OFD1: variants seen among roughly 807,000 people sequenced by gnomAD.
The protein encoded by OFD1 is OFD1 centriole and centriolar satellite protein, also known as centriole and centriolar satellite protein OFD1.
A neutral mutation model predicts 81.4 loss-of-function variants in OFD1; 12 were observed. That is an observed-to-expected ratio of 0.15 (90% confidence interval 0.09 to 0.24). OFD1 has a LOEUF of 0.24. Ranked by LOEUF, OFD1 falls within the 10% of genes least tolerant of loss-of-function variation. The probability of loss-of-function intolerance (pLI) is 1.00; values close to 1 mark genes in which losing one functional copy is unlikely to be tolerated. For missense variants in OFD1, 685 were observed against 733.9 expected, an observed-to-expected ratio of 0.93 and a Z score of 0.77; for synonymous variants, 256 against 263.7, an observed-to-expected ratio of 0.97 and a Z score of 0.28.
chrX:13,756,751 C>G lies in OFD1; in HGVS notation c.1395C>G (p.Asn465Lys), dbSNP rs1311727007. Reference protein sequence around the residue: ...KQQLEESRNENLRLLNRLAQP... With the variant: ...KQQLEESRNEKLRLLNRLAQP... The stretch of plus-strand genomic sequence containing the variant: ...AACTGGAAGAGAGTAGAAATGAAAA[C>G]CTGCGTCTCCTAAACCGTATGTATT... The change falls in exon 13 of 23, where the codon AAC (asparagine) becomes AAG (lysine). Residue 465 changes from asparagine to lysine, a missense_variant. By Grantham distance (94) the Asn-to-Lys change is moderately conservative. Coordinates refer to ENST00000340096, the MANE Select transcript of OFD1 (RefSeq NM_003611.3). The G allele has an allele frequency of 4.2e-6, 5 of 1,201,964 alleles. No homozygotes were observed. The highest frequency in any genetic ancestry group is 5.6e-6 in the Non-Finnish European group (5 of 886,561).
downstream of OFD1, chrX:13,772,734 A>C: frequency 2.3e-6 from 1 of 441,565 alleles, no homozygotes; most frequent in Non-Finnish European, 3.6e-6. Flanking sequence ...AGGTTTTCCT[A>C]GAGATACATC....
chrX:13,757,394 T>A (rs1210937728), intron 13 of OFD1, among the ~76,000 whole-genome samples: 2 of 111,767 alleles, frequency 1.8e-5, no homozygotes, highest in African/African-American at 6.5e-5. Context: ...GCTTTCAGGT[T>A]AATTTGAGAA....
At chrX:13,725,601 G>A in the OFD1 span, among the ~76,000 whole-genome samples, 1 of 112,341 alleles carries the variant, frequency 8.9e-6, no homozygotes, top group East Asian at 2.8e-4. Context: ...CCCATCTGTA[G>A]GTCACCAACA....
intron 5 of OFD1, among the ~76,000 whole-genome samples, chrX:13,741,117 C>T (rs1046007284): frequency 1.1e-4 from 12 of 109,348 alleles, no homozygotes; most frequent in African/African-American, 4.0e-4. Context: ...TCCAGCCTAG[C>T]GACAGAGCAA....
the OFD1 span, among the ~76,000 whole-genome samples, chrX:13,719,253 A>G: frequency 9.0e-6 from 1 of 110,545 alleles, no homozygotes; most frequent in Non-Finnish European, 1.9e-5. Flanking sequence ...TGTCTCAAAA[A>G]AAAAAAATAC....
At position 13,739,016 on chromosome X, in the gene OFD1, T is replaced by A. The variant is rs774385807; in HGVS notation, c.396T>A (p.Asp132Glu). ...SLYKSLVSGS[D>E]KENQKGFLMH... is the part of the protein sequence containing the mutation. ...TCTTTTAACAGGTTTCAGGATCTGA[T>A]AAAGAAAATCAAAAAGGTAGGAGCC... The change falls in exon 5 of 23, where the codon GAT becomes GAA. Residue 132 changes from aspartate (D) to glutamate (E), a missense_variant. Asp to Glu is a conservative substitution (Grantham distance 45). Transcript: ENST00000340096. The A allele has an allele frequency of 3.3e-6, 4 of 1,201,628 alleles. No individual in the cohort carries two copies. In the East Asian group the frequency reaches 1.2e-4, roughly 36 times the overall value.
rs1481165273 is a variant in OFD1 at position 13,758,361 on chromosome X, G to T, written c.1567G>T (p.Ala523Ser). Residue 523 changes from alanine (A) to serine (S), a missense_variant, in exon 15 of 23, where the codon GCC becomes TCC. By Grantham distance (99) the Ala-to-Ser change is moderately conservative. Transcript: ENST00000340096. ...GATTGAGCATTCTGCACAGCTGAAG[G>T]CCCAGATTCTAGGTTACAAAGCTTC... ...DEIEHSAQLKAQILGYKASVK... is the reference protein window; with the variant it reads ...DEIEHSAQLKSQILGYKASVK... 1 of 1,203,720 alleles carries T rather than the reference G, an allele frequency of 8.3e-7. No individual in the cohort carries two copies. The highest frequency in any genetic ancestry group is 2.2e-5 in the Admixed American group (1 of 45,916).
downstream of OFD1, chrX:13,772,356 A>G (rs189371743): frequency 5.4e-3 from 607 of 112,405 alleles, no homozygotes; most frequent in Non-Finnish European, 8.7e-3. Flanking sequence ...TGAGAAATCA[A>G]TCATAAGAAT....
the OFD1 span, chrX:13,722,098 A>C: frequency 9.3e-6 from 1 of 107,854 alleles, no homozygotes; most frequent in Non-Finnish European, 1.9e-5. Context: ...GGGAGTTGAA[A>C]TTTGAACCAA....
chrX:13,760,245 A>G lies in OFD1; in HGVS notation c.1785A>G (p.Lys595=), dbSNP rs1225998238. ...GGGATTTCTTGAACAATCCTTTTAA[A>G]CAGGAAAACGTTCTAGCACGTATGG... ...ISGDFLNNPF[K]QENVLARMVA... Residue 595 remains lysine (K), a synonymous_variant, in exon 16 of 23, where the codon AAA becomes AAG. Coordinates refer to ENST00000340096, the MANE Select transcript of OFD1 (RefSeq NM_003611.3). The G allele has an allele frequency of 1.7e-6, 2 of 1,211,829 alleles. No individual in the cohort carries two copies. The highest frequency in any genetic ancestry group is 2.2e-6 in the Non-Finnish European group (2 of 895,544).
chrX:13,720,236 C>T, the OFD1 span: 1 of 189,523 alleles, frequency 5.3e-6, no homozygotes, highest in Non-Finnish European at 9.6e-6. Context: ...CATGAAATCA[C>T]AAAGACAACA....
chrX:13,759,451 T>G (rs1042128743), intron 15 of OFD1, among the ~76,000 whole-genome samples: 1 of 112,195 alleles, frequency 8.9e-6, no homozygotes, highest in Non-Finnish European at 1.9e-5. Context: ...GGGGAGGCAT[T>G]GCAGGAGAGA....
chrX:13,753,506 T>G, intron 11 of OFD1, 65 bp downstream of exon 11: 1 of 1,074,260 alleles, frequency 9.3e-7, no homozygotes, highest in South Asian at 1.9e-5. Context: ...GCTTCCCAAG[T>G]TGGGTCTTTT....
the OFD1 span, among the ~76,000 whole-genome samples, chrX:13,723,357 G>C: frequency 4.6e-5 from 5 of 108,677 alleles, no homozygotes; most frequent in African/African-American, 1.7e-4. Flanking sequence ...TAGTAGAGAC[G>C]GGGATTCACC....
At chrX:13,760,883 G>A (rs974127899) in intron 16 of OFD1, among the ~76,000 whole-genome samples, 163 bp downstream of exon 16, 2 of 112,266 alleles carry the variant, frequency 1.8e-5, no homozygotes, top group Non-Finnish European at 3.8e-5. Flanking sequence ...TTTGCTGCCT[G>A]TTGGTTTCCT....
chrX:13,724,460 G>A, the OFD1 span, among the ~76,000 whole-genome samples: 1 of 109,285 alleles, frequency 9.2e-6, no homozygotes. Flanking sequence ...CAAGGGAGAA[G>A]GGTCAACTGC....
downstream of OFD1, among the ~76,000 whole-genome samples, chrX:13,770,311 ATTGT>A (rs1283287015): frequency 3.6e-5 from 4 of 112,123 alleles, no homozygotes; most frequent in Non-Finnish European, 7.5e-5. Context: ...GAGCCTCCTG[ATTGT>A]TCTGCCATGC....
chrX:13,720,021 A>G, the OFD1 span: 2 of 909,457 alleles, frequency 2.2e-6, no homozygotes, highest in Non-Finnish European at 2.9e-6. Context: ...TTAGTAGTCA[A>G]TCTTCAAATT....
chrX:13,742,143 G>A (rs764222337), intron 5 of OFD1, among the ~76,000 whole-genome samples: 23 of 111,857 alleles, frequency 2.1e-4, no homozygotes, highest in Non-Finnish European at 4.0e-4. Flanking sequence ...ACATCAATGG[G>A]GACAGAATTA....
Sources: gnomAD v4.1 joint callset for allele counts (sites outside exome capture counted in the v4.1 genomes callset) on GRCh38, gnomAD v4.1.1 for gene constraint, MANE v1.5 for transcripts, NCBI Gene and HGNC (gene_info 2026-07-23, HGNC 2026-07-21) for gene names.